FAM227B: variants seen among roughly 807,000 people sequenced by gnomAD.
FAM227B encodes family with sequence similarity 227 member B.
FAM227B carries 88 observed loss-of-function variants against 73.8 expected under a neutral mutation model. The ratio of observed to expected loss-of-function variants is 1.19; its 90% CI spans 1.00 to 1.42. The LOEUF is 1.42. Among genes scored for constraint, FAM227B ranks in the 40% most tolerant of loss-of-function variants. FAM227B has a pLI of 0.00. For synonymous variants in FAM227B, 210 were observed against 190.5 expected (o/e 1.10, Z -0.84); for missense variants, 632 against 590.9 (o/e 1.07, Z -0.72).
chr15:49,340,346 T>C (rs920734508), intron 13 of FAM227B, among the ~76,000 whole-genome samples: 4 of 151,912 alleles, frequency 2.6e-5, no homozygotes, highest in Non-Finnish European at 5.9e-5. Context: ...ATGGCTTCCC[T>C]TGGGTGGGAG....
At chr15:49,374,337 T>C (rs529862204) in intron 11 of FAM227B, among the ~76,000 whole-genome samples, 5 of 152,220 alleles carry the variant, frequency 3.3e-5, no homozygotes, top group Middle Eastern at 3.4e-3. Flanking sequence ...ATAAGAACTA[T>C]AGAATGCACC....
chr15:49,475,725 T>C (rs544436446), intron 11 of FAM227B, among the ~76,000 whole-genome samples: 48 of 152,312 alleles, frequency 3.2e-4, no homozygotes, highest in Admixed American at 5.2e-4. Flanking sequence ...CGGTGGCTTA[T>C]ACTTGTAATC....
chr15:49,583,230 G>A (rs1306385647), intron 5 of FAM227B, among the ~76,000 whole-genome samples: 1 of 150,868 alleles, frequency 6.6e-6, no homozygotes, highest in Non-Finnish European at 1.5e-5. Flanking sequence ...AAAATAGACT[G>A]CTAGCTAGAC....
chr15:49,544,399 C>T (rs1057112297), intron 9 of FAM227B, among the ~76,000 whole-genome samples: 5 of 152,084 alleles, frequency 3.3e-5, no homozygotes, highest in Non-Finnish European at 5.9e-5. Flanking sequence ...GATATAGGAG[C>T]TTTTTGGATG....
intron 11 of FAM227B, chr15:49,396,000 T>A (rs879885348): frequency 2.2e-6 from 1 of 455,856 alleles, no homozygotes; most frequent in Non-Finnish European, 4.4e-6. Context: ...GGAGCCAAGA[T>A]GGCCAAATAG....
intron 13 of FAM227B, among the ~76,000 whole-genome samples, chr15:49,364,600 T>C (rs920939988): frequency 6.6e-6 from 1 of 152,174 alleles, no homozygotes; most frequent in Non-Finnish European, 1.5e-5. Context: ...AAAAACATAC[T>C]ACAAAAATAT....
At chr15:49,433,255 G>A (rs1337560855) in intron 11 of FAM227B, among the ~76,000 whole-genome samples, 1 of 151,446 alleles carries the variant, frequency 6.6e-6, no homozygotes, top group African/African-American at 2.4e-5. Flanking sequence ...CATCTGCCTT[G>A]TCTTATGATT....
chr15:49,435,883 T>C (rs2051057205), intron 11 of FAM227B, among the ~76,000 whole-genome samples: 1 of 151,618 alleles, frequency 6.6e-6, no homozygotes, highest in Non-Finnish European at 1.5e-5. Context: ...TCTTACAATG[T>C]ACAACTGGGA....
intron 9 of FAM227B, among the ~76,000 whole-genome samples, chr15:49,547,284 A>C (rs1052235846): frequency 2.0e-5 from 3 of 151,918 alleles, no homozygotes; most frequent in Admixed American, 2.0e-4. Context: ...AGGAAGCACT[A>C]AACATGGAAA....
intron 11 of FAM227B, chr15:49,423,009 C>T: frequency 3.8e-6 from 1 of 261,546 alleles, no homozygotes; most frequent in African/African-American, 2.2e-5. Flanking sequence ...TAAAAAATTC[C>T]CTTTCCCCTT....
chr15:49,433,629 C>T (rs1358407906), intron 11 of FAM227B, among the ~76,000 whole-genome samples: 2 of 151,558 alleles, frequency 1.3e-5, no homozygotes, highest in East Asian at 2.0e-4. Flanking sequence ...TAATGTCTTT[C>T]TAGGTGATTT....
chr15:49,381,683 A>G (rs1200886976), intron 11 of FAM227B, among the ~76,000 whole-genome samples: 1 of 152,192 alleles, frequency 6.6e-6, no homozygotes, highest in Admixed American at 6.5e-5. Flanking sequence ...CAATGCAGTA[A>G]GCCAATAAAA....
intron 10 of FAM227B, among the ~76,000 whole-genome samples, chr15:49,534,616 T>C (rs906275881): frequency 1.3e-5 from 2 of 151,912 alleles, no homozygotes; most frequent in Admixed American, 1.3e-4. Flanking sequence ...AACAGACATA[T>C]ACAGACTATT....
intron 13 of FAM227B, among the ~76,000 whole-genome samples, chr15:49,366,978 TTTTAA>T (rs1325048645): frequency 1.3e-5 from 2 of 152,174 alleles, no homozygotes; most frequent in Admixed American, 6.5e-5. Context: ...AGAGCTCCGA[TTTTAA>T]TTTATTTTTT....
At chr15:49,367,804 A>G in intron 12 of FAM227B, 196 bp from the exon 13 acceptor site, 1 of 366,932 alleles carries the variant, frequency 2.7e-6, no homozygotes, top group Non-Finnish European at 4.7e-6. Flanking sequence ...AGGCTCTTCT[A>G]CTCTTTTGAG....
At chr15:49,388,734 C>T (rs571271036) in intron 11 of FAM227B, among the ~76,000 whole-genome samples, 2 of 151,974 alleles carry the variant, frequency 1.3e-5, no homozygotes, top group South Asian at 2.1e-4. Context: ...GCAAACTACA[C>T]ATCCGAAAAA....
intron 10 of FAM227B, among the ~76,000 whole-genome samples, chr15:49,513,528 A>G (rs1470014023): frequency 1.3e-5 from 2 of 152,068 alleles, no homozygotes; most frequent in South Asian, 2.1e-4. Flanking sequence ...TAGCTTGCAA[A>G]AATTTTCTCC....
intron 11 of FAM227B, among the ~76,000 whole-genome samples, chr15:49,411,373 A>C (rs1170150978): frequency 6.6e-6 from 1 of 152,140 alleles, no homozygotes; most frequent in Non-Finnish European, 1.5e-5. Context: ...AAAATAATCC[A>C]AAAATTTTAT....
At chr15:49,395,400 G>A (rs1045533043) in intron 11 of FAM227B, among the ~76,000 whole-genome samples, 1 of 152,282 alleles carries the variant, frequency 6.6e-6, no homozygotes. Context: ...AAGGACACTG[G>A]AAACAACGGG....
Sources: gnomAD v4.1 joint callset for allele counts (sites outside exome capture counted in the v4.1 genomes callset) on GRCh38, gnomAD v4.1.1 for gene constraint, MANE v1.5 for transcripts, NCBI Gene and HGNC (gene_info 2026-07-23, HGNC 2026-07-21) for gene names.